The following LRRTM4 variants were observed in gnomAD, a reference collection of about 807,000 sequenced individuals.
LRRTM4 encodes leucine rich repeat transmembrane neuronal 4, also known as leucine-rich repeat transmembrane neuronal protein 4.
LRRTM4 carries 25 observed loss-of-function variants against 47.6 expected under a neutral mutation model. The observed-to-expected ratio is 0.53, with a 90% CI of 0.38 to 0.73. The LOEUF is 0.73. Ranked by LOEUF, LRRTM4 falls within the 30% of genes least tolerant of loss-of-function variation. LRRTM4 has a pLI of 0.00. For missense variants in LRRTM4, 638 were observed against 713.4 expected (o/e 0.89, Z 1.20); for synonymous variants, 311 against 269.5 (o/e 1.15, Z -1.51).
chr2:77,128,550 T>C (rs1197872717), intron 3 of LRRTM4, among the ~76,000 whole-genome samples: 2 of 152,228 alleles, frequency 1.3e-5, no homozygotes, highest in Non-Finnish European at 2.9e-5. Flanking sequence ...AAGTCCCATC[T>C]AGTAAAACTA....
chr2:76,956,570 T>C (rs1276410243), intron 3 of LRRTM4, among the ~76,000 whole-genome samples: 1 of 150,658 alleles, frequency 6.6e-6, no homozygotes, highest in African/African-American at 2.4e-5. Flanking sequence ...ATAAGAATGA[T>C]CTAAACCTAA....
intron 3 of LRRTM4, among the ~76,000 whole-genome samples, chr2:77,309,522 G>A (rs190814462): frequency 6.6e-6 from 1 of 152,220 alleles, no homozygotes; most frequent in East Asian, 1.9e-4. Context: ...GGCTCACCAA[G>A]ACCCTTTGGC....
chr2:77,342,744 T>C (rs193277444), intron 3 of LRRTM4, among the ~76,000 whole-genome samples: 4 of 152,070 alleles, frequency 2.6e-5, no homozygotes, highest in Admixed American at 2.6e-4. Context: ...GATTTTCCTC[T>C]ATACCCAGGA....
intron 3 of LRRTM4, among the ~76,000 whole-genome samples, chr2:77,421,764 A>T (rs1189070926): frequency 6.6e-6 from 1 of 151,994 alleles, no homozygotes; most frequent in African/African-American, 2.4e-5. Context: ...GCACAGAACA[A>T]CTCCTCATAA....
intron 3 of LRRTM4, among the ~76,000 whole-genome samples, chr2:77,427,933 C>T (rs923799130): frequency 1.3e-5 from 2 of 152,182 alleles, no homozygotes; most frequent in Admixed American, 6.5e-5. Flanking sequence ...CAAATCTCAT[C>T]TTGAATTGTA....
intron 3 of LRRTM4, among the ~76,000 whole-genome samples, chr2:76,920,395 T>G (rs1430423219): frequency 6.6e-6 from 1 of 152,174 alleles, no homozygotes; most frequent in Non-Finnish European, 1.5e-5. Flanking sequence ...ATAACTTTTA[T>G]AATCTCCAGG....
intron 3 of LRRTM4, among the ~76,000 whole-genome samples, chr2:76,945,139 G>A (rs533886127): frequency 9.3e-4 from 142 of 152,172 alleles, no homozygotes; most frequent in Non-Finnish European, 1.6e-3. Context: ...ATATAAGTAT[G>A]TAAAGGGAAT....
chr2:77,426,805 GCACA>G lies in LRRTM4; in HGVS notation c.1551+91509_1551+91512del, dbSNP rs72224838. 1.0e-3 allele frequency among the ~76,000 whole-genome samples: 152 copies of G among 147,440 alleles called. No individual in the cohort carries two copies. The East Asian group carries it at 0.012, about 11-fold the overall frequency. ...AATATGTACACACACAGAGGTGTATGCACACACACACACACACACACACATGCAC... is the reference window on the plus strand; with the variant it reads ...AATATGTACACACACAGAGGTGTATGCACACACACACACACACACATGCAC... On this transcript the variant is annotated intron_variant, in intron 3 of 3. Transcript: ENST00000409884.
chr2:76,902,415 A>AG (rs1157390018), intron 3 of LRRTM4, among the ~76,000 whole-genome samples: 2 of 152,178 alleles, frequency 1.3e-5, no homozygotes, highest in Non-Finnish European at 2.9e-5. Flanking sequence ...TTCAACAATG[A>AG]CCTTCACTTA....
intron 3 of LRRTM4, among the ~76,000 whole-genome samples, chr2:76,978,548 G>A (rs1356771551): frequency 6.6e-6 from 1 of 151,946 alleles, no homozygotes; most frequent in Non-Finnish European, 1.5e-5. Context: ...AGAGAGACAT[G>A]GAATAAAAAT....
intron 3 of LRRTM4, among the ~76,000 whole-genome samples, chr2:77,489,032 AAAAAT>A (rs199995409): frequency 0.052 from 7,899 of 152,064 alleles, 256 homozygotes; most frequent in Middle Eastern, 0.096. Flanking sequence ...TACCTATGAA[AAAAAT>A]AAAATAAAAT....
chr2:76,890,648 A>T (rs1673221967), intron 3 of LRRTM4, among the ~76,000 whole-genome samples: 1 of 152,046 alleles, frequency 6.6e-6, no homozygotes, highest in African/African-American at 2.4e-5. Flanking sequence ...CATAAACAGT[A>T]AATACTCATG....
At chr2:77,108,646 G>C (rs1030875041) in intron 3 of LRRTM4, among the ~76,000 whole-genome samples, 22 of 150,158 alleles carry the variant, frequency 1.5e-4, no homozygotes, top group African/African-American at 4.6e-4. Context: ...TGCAGTGGCG[G>C]GATCTGGGCT....
chr2:77,189,807 C>G (rs1213614575), intron 3 of LRRTM4, among the ~76,000 whole-genome samples: 1 of 152,062 alleles, frequency 6.6e-6, no homozygotes, highest in East Asian at 1.9e-4. Flanking sequence ...ACACATCTGA[C>G]TATACATATA....
chr2:76,802,014 C>G (rs182412004), intron 3 of LRRTM4, among the ~76,000 whole-genome samples: 1 of 152,118 alleles, frequency 6.6e-6, no homozygotes, highest in South Asian at 2.1e-4. Context: ...TTGCTAACAT[C>G]ATATTCAACG....
chr2:77,394,734 T>C (rs1673633853), intron 3 of LRRTM4, among the ~76,000 whole-genome samples: 1 of 151,974 alleles, frequency 6.6e-6, no homozygotes, highest in South Asian at 2.1e-4. Context: ...GGTAGAGACT[T>C]AATGTTTAAA....
chr2:76,888,987 G>A (rs892250348), intron 3 of LRRTM4, among the ~76,000 whole-genome samples: 1 of 151,758 alleles, frequency 6.6e-6, no homozygotes, highest in Admixed American at 6.6e-5. Context: ...TTGGGCTTAA[G>A]GTAGCCTATG....
intron 3 of LRRTM4, among the ~76,000 whole-genome samples, chr2:77,280,898 C>A (rs1415964775): frequency 1.3e-5 from 2 of 151,922 alleles, no homozygotes; most frequent in Non-Finnish European, 2.9e-5. Flanking sequence ...GTCTTGTCAA[C>A]AAGAAAAATA....
At chr2:77,440,580 A>T (rs1255290890) in intron 3 of LRRTM4, among the ~76,000 whole-genome samples, 2 of 152,234 alleles carry the variant, frequency 1.3e-5, no homozygotes, top group Non-Finnish European at 2.9e-5. Context: ...TTAATTTCAA[A>T]TAAATGAAAA....
Sources: gnomAD v4.1 joint callset for allele counts (sites outside exome capture counted in the v4.1 genomes callset) on GRCh38, gnomAD v4.1.1 for gene constraint, MANE v1.5 for transcripts, NCBI Gene and HGNC (gene_info 2026-07-23, HGNC 2026-07-21) for gene names.